MTCL1: variants seen among roughly 807,000 people sequenced by gnomAD.
The protein encoded by MTCL1 is microtubule crosslinking factor 1.
In MTCL1, 79 loss-of-function variants were observed where a neutral mutation model predicts 141.4. That is an observed-to-expected ratio of 0.56 (90% CI 0.47 to 0.67). MTCL1 has a LOEUF of 0.67. MTCL1 is among the 30% of genes least tolerant of loss of function. The probability of loss-of-function intolerance (pLI) is 0.00; values close to 1 mark genes in which losing one functional copy is unlikely to be tolerated. For missense variants in MTCL1, 2,177 were observed against 2,113.9 expected, an observed-to-expected ratio of 1.03 and a Z score of -0.59; for synonymous variants, 914 against 875.8, an observed-to-expected ratio of 1.04 and a Z score of -0.77.
At chr18:8,724,643 A>G (rs534363105) in intron 4 of MTCL1, among the ~76,000 whole-genome samples, 6 of 152,060 alleles carry the variant, frequency 3.9e-5, no homozygotes, top group Non-Finnish European at 7.4e-5. Context: ...ACTCTTTTGC[A>G]TGACACAGCA....
chr18:8,772,621 A>G (rs1247085920), intron 4 of MTCL1, among the ~76,000 whole-genome samples: 1 of 150,666 alleles, frequency 6.6e-6, no homozygotes, highest in South Asian at 2.1e-4. Flanking sequence ...GTTATATATT[A>G]GTATTTAATA....
chr18:8,798,627 AACGTACAAGGAGCAAAGG>A (rs1430590364), intron 10 of MTCL1, among the ~76,000 whole-genome samples: 2 of 152,236 alleles, frequency 1.3e-5, no homozygotes, highest in East Asian at 3.8e-4. Context: ...TTGGCAGCAT[AACGTACAAGGAGCAAAGG>A]ACACGTTTTA....
At chr18:8,820,115 A>G (rs1045795937) in intron 13 of MTCL1, among the ~76,000 whole-genome samples, 4 of 152,112 alleles carry the variant, frequency 2.6e-5, no homozygotes, top group African/African-American at 9.7e-5. Flanking sequence ...CCTTGTTTTA[A>G]AAGTTGTTCT....
chr18:8,782,682 T>C (rs1476076909), intron 5 of MTCL1: 1 of 152,254 alleles, frequency 6.6e-6, no homozygotes, highest in African/African-American at 2.4e-5. Flanking sequence ...TGGGTTTAAT[T>C]TCCTGCTGTG....
intron 8 of MTCL1, among the ~76,000 whole-genome samples, chr18:8,793,963 C>G (rs2075824941): frequency 6.6e-6 from 1 of 152,222 alleles, no homozygotes; most frequent in South Asian, 2.1e-4. Context: ...AAATGGGTCA[C>G]AAACTGATTA....
exon 6 of MTCL1, chr18:8,784,114 G>T (rs371603021): frequency 1.2e-6 from 2 of 1,613,486 alleles, no homozygotes; most frequent in Non-Finnish European, 1.7e-6. Context: ...GGGCCCCCCT[G>T]CAGGAGGAGC....
intron 4 of MTCL1, among the ~76,000 whole-genome samples, chr18:8,744,360 A>G (rs2096323321): frequency 6.6e-6 from 1 of 152,246 alleles, no homozygotes; most frequent in African/African-American, 2.4e-5. Flanking sequence ...AGATTGAAGT[A>G]TCATCGGTGT....
chr18:8,754,325 C>T (rs1268085340), intron 4 of MTCL1, among the ~76,000 whole-genome samples: 1 of 152,214 alleles, frequency 6.6e-6, no homozygotes, highest in Non-Finnish European at 1.5e-5. Context: ...CCCACCTTGG[C>T]TTCCCAAAGT....
chr18:8,769,176 T>C (rs1228653397), intron 4 of MTCL1, among the ~76,000 whole-genome samples: 1 of 152,194 alleles, frequency 6.6e-6, no homozygotes, highest in Non-Finnish European at 1.5e-5. Context: ...CTTTTCAACT[T>C]TTATAAATGC....
intron 4 of MTCL1, among the ~76,000 whole-genome samples, chr18:8,745,591 A>C (rs1270267465): frequency 1.3e-5 from 2 of 152,164 alleles, no homozygotes; most frequent in Non-Finnish European, 2.9e-5. Flanking sequence ...ATTACAAAAC[A>C]TGTGTCTGTG....
rs762863061 is a variant in MTCL1, at chr18:8,784,893, T to G, written c.1731+50T>G. 3.4e-6 allele frequency: 5 copies of G among 1,474,088 alleles called. No homozygotes were observed. In the Admixed American group the frequency reaches 8.4e-5, roughly 25 times the overall value. The allele number at this position is 1,474,088 out of a possible 1,614,324, so 91.3% of individuals were successfully genotyped here. A position where few individuals can be genotyped will look rare whatever the true frequency, so the allele number is the denominator to read the frequency against. On this transcript the variant is annotated intron_variant, in intron 6 of 16. Coordinates refer to ENST00000359865, the Ensembl canonical transcript of MTCL1. Reference sequence around the variant, plus strand: ...CCCTGCTCCGCCTTGCTCTTCCTCCTTCTCGCTGGCATTGCTGCACTCGGG... The same window carrying G: ...CCCTGCTCCGCCTTGCTCTTCCTCCGTCTCGCTGGCATTGCTGCACTCGGG...
At chr18:8,730,125 G>T (rs2017153) in intron 4 of MTCL1, among the ~76,000 whole-genome samples, 4 of 151,996 alleles carry the variant, frequency 2.6e-5, no homozygotes, top group Non-Finnish European at 5.9e-5. Flanking sequence ...GTTTGGGTCT[G>T]TTTCTGGGTT....
chr18:8,710,837 C>CTT (rs59041416), intron 1 of MTCL1, among the ~76,000 whole-genome samples: 1 of 80,932 alleles, frequency 1.2e-5, no homozygotes, highest in Non-Finnish European at 2.4e-5. Flanking sequence ...GGAAGGCTTT[C>CTT]TTTTTTTTTT....
intron 16 of MTCL1, chr18:8,831,127 G>A: frequency 1.0e-6 from 1 of 987,948 alleles, no homozygotes; most frequent in Non-Finnish European, 1.2e-6. Context: ...GACTGCCATT[G>A]CTAACACAGC....
rs1440082316 is a variant in MTCL1 at position 8,831,665 on chromosome 18, G to A, written c.*77G>A. On this transcript the variant is annotated 3_prime_UTR_variant, in exon 17 of 17. Coordinates refer to ENST00000359865, the Ensembl canonical transcript of MTCL1. ...GAGCCCTGCTTCTCCAGGCCCGAGAGACCAGCAAACCGTCGCCCTCCGTCC... is the reference window on the plus strand; with the variant it reads ...GAGCCCTGCTTCTCCAGGCCCGAGAAACCAGCAAACCGTCGCCCTCCGTCC... The A allele has an allele frequency of 5.2e-6, 8 of 1,550,402 alleles. No individual in the cohort carries two copies. The South Asian group carries it at 8.3e-5, about 16-fold the overall frequency.
chr18:8,723,513 C>T (rs1443778037), intron 4 of MTCL1, among the ~76,000 whole-genome samples: 1 of 152,164 alleles, frequency 6.6e-6, no homozygotes, highest in Non-Finnish European at 1.5e-5. Context: ...TGTGTCCCCT[C>T]GGCCTCAGGG....
chr18:8,771,195 C>G (rs935825045), intron 4 of MTCL1, among the ~76,000 whole-genome samples: 20 of 152,066 alleles, frequency 1.3e-4, no homozygotes, highest in African/African-American at 4.8e-4. Context: ...CGCAATGTTG[C>G]TCAGGCTACT....
At position 8,828,860 on chromosome 18, in the gene MTCL1, T is replaced by C. The variant is rs1364783968; in HGVS notation, c.4723-48T>C. 1 of 1,613,596 alleles carries C rather than the reference T, an allele frequency of 6.2e-7. No homozygotes were observed. The highest frequency in any genetic ancestry group is 8.5e-7 in the Non-Finnish European group (1 of 1,179,994). On this transcript the variant is annotated intron_variant, in intron 15 of 16. Transcript: ENST00000359865. This position sits in a 1 kb window ranked among gnomAD's most constrained non-coding sequence, Gnocchi z 5.2. ...TATTGTTCTCCTGTTTAAAAAACAC[T>C]TTCCAACCTTCTTGCTTTTCTTTTC...
At chr18:8,806,787 C>A in intron 10 of MTCL1, 106 bp from the exon 10 acceptor site, 52 of 983,952 alleles carry the variant, frequency 5.3e-5, no homozygotes, top group East Asian at 6.4e-5. Flanking sequence ...GCCAACAACA[C>A]CTGGGAAACA....
Sources: gnomAD v4.1 joint callset for allele counts (sites outside exome capture counted in the v4.1 genomes callset) on GRCh38, gnomAD v4.1.1 for gene constraint, Gnocchi (gnomAD v3.1) non-coding constraint, MANE v1.5 for transcripts, NCBI Gene and HGNC (gene_info 2026-07-23, HGNC 2026-07-21) for gene names.